The following RBFOX1 variants were observed in gnomAD, a reference collection of about 807,000 sequenced individuals.
RBFOX1 encodes the protein RNA binding fox-1 homolog 1.
A neutral mutation model predicts 57.7 loss-of-function variants in RBFOX1; 8 were observed. The ratio of observed to expected loss-of-function variants is 0.14; its 90% CI spans 0.08 to 0.25. The LOEUF (loss-of-function observed/expected upper bound fraction) is 0.25, where lower values mean the gene tolerates loss of function less well. RBFOX1 is among the 10% of genes least tolerant of loss of function. RBFOX1 has a pLI of 1.00. For synonymous variants in RBFOX1, 326 were observed against 222.4 expected (o/e 1.47, Z -4.15); for missense variants, 611 against 548.5 (o/e 1.11, Z -1.14).
chr16:7,542,460 G>C (rs571470601), intron 5 of RBFOX1, among the ~76,000 whole-genome samples: 155 of 152,086 alleles, frequency 1.0e-3, no homozygotes, highest in Admixed American at 2.0e-3. Flanking sequence ...GGAGAACATG[G>C]GGAAAGAGGC....
At chr16:7,683,946 C>A (rs991739371) in intron 14 of RBFOX1, among the ~76,000 whole-genome samples, 1 of 152,056 alleles carries the variant, frequency 6.6e-6, no homozygotes, top group Non-Finnish European at 1.5e-5. Flanking sequence ...TTAAACCGCT[C>A]CACTTTGTTA....
chr16:7,517,387 G>T (rs939232837), intron 4 of RBFOX1, among the ~76,000 whole-genome samples: 8 of 151,942 alleles, frequency 5.3e-5, no homozygotes, highest in African/African-American at 1.9e-4. Flanking sequence ...AGGCAGGGAG[G>T]GAGAGGCATT....
chr16:6,952,163 G>C (rs531954855), intron 3 of RBFOX1, among the ~76,000 whole-genome samples: 18 of 152,110 alleles, frequency 1.2e-4, no homozygotes, highest in Non-Finnish European at 2.2e-4. Flanking sequence ...CGTTGTGAAG[G>C]CTCTATGTGG....
At chr16:7,521,913 T>C (rs963423823) in intron 5 of RBFOX1, among the ~76,000 whole-genome samples, 2 of 152,222 alleles carry the variant, frequency 1.3e-5, no homozygotes, top group African/African-American at 4.8e-5. Flanking sequence ...GGCTTCCTCG[T>C]CCTCACCTCA....
chr16:7,512,483 T>G (rs1328914727), intron 4 of RBFOX1, among the ~76,000 whole-genome samples: 4 of 152,194 alleles, frequency 2.6e-5, no homozygotes, highest in Non-Finnish European at 5.9e-5. Context: ...GGAATATTAA[T>G]TAGGGTCTCT....
chr16:5,526,905 T>G (rs371571580), intron 2 of RBFOX1, among the ~76,000 whole-genome samples: 1 of 152,180 alleles, frequency 6.6e-6, no homozygotes, highest in Non-Finnish European at 1.5e-5. Flanking sequence ...TTGGGCACAT[T>G]TGCTCGCCTC....
chr16:7,377,623 G>A lies in RBFOX1; in HGVS notation c.28-140524G>A, dbSNP rs554274143. ...TTCTTTATCAGTATAACTTTATAGC[G>A]CTTGAATGTCTGAAAGATGACTCAT... On this transcript the variant is annotated intron_variant, in intron 4 of 15. Coordinates refer to ENST00000550418, the MANE Select transcript of RBFOX1 (RefSeq NM_018723.4). Among the ~76,000 whole-genome samples, 101 of 152,214 alleles carry A rather than the reference G, an allele frequency of 6.6e-4. 2 individuals carry two copies. Among genetic ancestry groups the A allele is most frequent in the Admixed American group, 3.7e-3 (57 of 15,290 alleles).
chr16:5,678,710 G>A (rs1166263297), intron 3 of RBFOX1, among the ~76,000 whole-genome samples: 1 of 152,158 alleles, frequency 6.6e-6, no homozygotes. Flanking sequence ...ATTGTCTTTG[G>A]ACAAATGGTA....
intron 4 of RBFOX1, among the ~76,000 whole-genome samples, chr16:7,394,633 G>C (rs2148577101): frequency 6.6e-6 from 1 of 152,256 alleles, no homozygotes; most frequent in Non-Finnish European, 1.5e-5. Context: ...ACAGTGTCTG[G>C]ATTCTCGATC....
intron 4 of RBFOX1, among the ~76,000 whole-genome samples, chr16:7,464,116 C>A (rs891284633): frequency 1.3e-5 from 2 of 152,148 alleles, no homozygotes. Flanking sequence ...CATTGCCACT[C>A]CCTTCTGGTG....
At chr16:7,176,953 T>G (rs2081790765) in intron 4 of RBFOX1, among the ~76,000 whole-genome samples, 1 of 152,156 alleles carries the variant, frequency 6.6e-6, no homozygotes, top group Non-Finnish European at 1.5e-5. Context: ...TAGTATCGCT[T>G]TAGTAATTCA....
At chr16:6,925,993 G>C (rs758032453) in intron 3 of RBFOX1, among the ~76,000 whole-genome samples, 7 of 152,048 alleles carry the variant, frequency 4.6e-5, no homozygotes, top group African/African-American at 7.2e-5. Context: ...TCAACCGTCA[G>C]ATCTCTGTCT....
intron 4 of RBFOX1, among the ~76,000 whole-genome samples, chr16:7,227,709 G>T (rs1381072884): frequency 6.6e-6 from 1 of 152,094 alleles, no homozygotes; most frequent in African/African-American, 2.4e-5. Flanking sequence ...TTGGCCCGTC[G>T]CCCTGCCTGC....
chr16:7,446,069 C>T (rs1168469387), intron 4 of RBFOX1, among the ~76,000 whole-genome samples: 1 of 152,202 alleles, frequency 6.6e-6, no homozygotes, highest in Non-Finnish European at 1.5e-5. Context: ...GCTACTCCAT[C>T]TTGTCTGAGA....
chr16:6,150,941 G>T (rs1483747563), intron 1 of RBFOX1, among the ~76,000 whole-genome samples: 1 of 152,106 alleles, frequency 6.6e-6, no homozygotes, highest in Non-Finnish European at 1.5e-5. Context: ...CCCTACATTT[G>T]TGCTAGCCTC....
chr16:6,283,012 G>A lies in RBFOX1; in HGVS notation c.-126-33983G>A, dbSNP rs536514112. Among the ~76,000 whole-genome samples, 10 of 152,302 alleles carry A rather than the reference G, an allele frequency of 6.6e-5. No individual in the cohort carries two copies. The East Asian group carries it at 1.7e-3, about 27-fold the overall frequency. On this transcript the variant is annotated intron_variant, in intron 1 of 15. Transcript: ENST00000550418. ...TGTTGCAAAGTGACTGAGTCTAGAT[G>A]TGCTCCTACATCTGACTCTAAAACC...
chr16:7,197,649 C>T (rs1012556695), intron 4 of RBFOX1, among the ~76,000 whole-genome samples: 1 of 152,072 alleles, frequency 6.6e-6, no homozygotes, highest in South Asian at 2.1e-4. Flanking sequence ...GCATTATCCA[C>T]AATAGCTAAA....
intron 3 of RBFOX1, among the ~76,000 whole-genome samples, chr16:6,841,014 G>T (rs953052480): frequency 6.6e-6 from 1 of 152,100 alleles, no homozygotes; most frequent in African/African-American, 2.4e-5. Flanking sequence ...CAGCACCTTG[G>T]GCTTAGCCTC....
chr16:6,875,488 C>T (rs937434507), intron 3 of RBFOX1, among the ~76,000 whole-genome samples: 1 of 152,088 alleles, frequency 6.6e-6, no homozygotes, highest in Admixed American at 6.6e-5. Flanking sequence ...TTGAATCACC[C>T]TTAAGTGCAG....
Sources: gnomAD v4.1 joint callset for allele counts (sites outside exome capture counted in the v4.1 genomes callset) on GRCh38, gnomAD v4.1.1 for gene constraint, MANE v1.5 for transcripts, NCBI Gene and HGNC (gene_info 2026-07-23, HGNC 2026-07-21) for gene names.